Variants in DNAJC16 observed in about 807,000 individuals in gnomAD.
DNAJC16 encodes the protein DnaJ heat shock protein family (Hsp40) member C16, also known as dnaJ homolog subfamily C member 16.
A neutral mutation model predicts 92.7 loss-of-function variants in DNAJC16; 76 were observed. The observed-to-expected ratio is 0.82, with a 90% confidence interval of 0.68 to 0.99. The LOEUF (loss-of-function observed/expected upper bound fraction) is 0.99, where lower values mean the gene tolerates loss of function less well. DNAJC16 is among the 50% of genes least tolerant of loss of function. DNAJC16 has a pLI of 0.00. For synonymous variants in DNAJC16, 328 were observed against 358.7 expected (o/e 0.91, Z 0.97); for missense variants, 869 against 942.4 (o/e 0.92, Z 1.02).
intron 3 of DNAJC16, 104 bp downstream of exon 3, chr1:15,534,407 C>G: frequency 8.6e-7 from 1 of 1,161,692 alleles, no homozygotes; most frequent in Non-Finnish European, 1.2e-6. Flanking sequence ...TCCCCATGCC[C>G]TTGATGCAGT....
At chr1:15,551,680 C>T (rs1296657147) in intron 7 of DNAJC16, among the ~76,000 whole-genome samples, 1 of 151,458 alleles carries the variant, frequency 6.6e-6, no homozygotes, top group Non-Finnish European at 1.5e-5. Flanking sequence ...GTGGCACAGA[C>T]TCGGCTCACT....
chr1:15,536,235 G>A (rs1489302412), intron 3 of DNAJC16, among the ~76,000 whole-genome samples: 9 of 151,632 alleles, frequency 5.9e-5, no homozygotes, highest in South Asian at 2.1e-4. Flanking sequence ...CACCACTCCC[G>A]GCTGATTTGA....
At position 15,565,739 on chromosome 1, in the gene DNAJC16, C is replaced by G. The variant is rs571383749; in HGVS notation, c.1599-180C>G. 72 of 640,140 alleles carry G rather than the reference C, an allele frequency of 1.1e-4. No individual in the cohort carries two copies. In the African/African-American group the frequency reaches 1.2e-3, roughly 11 times the overall value. 39.7% of individuals were successfully genotyped at this position (640,140 alleles called of 1,614,324 possible). On this transcript the variant is annotated intron_variant, in intron 11 of 14. Coordinates refer to ENST00000375847, the MANE Select transcript of DNAJC16 (RefSeq NM_015291.4). ...AATAAGCTGTCTGTGAATTAGAACACTGAGCAATCTCTACCTTCCCCTCCA... is the reference window on the plus strand; with the variant it reads ...AATAAGCTGTCTGTGAATTAGAACAGTGAGCAATCTCTACCTTCCCCTCCA...
At position 15,562,294 on chromosome 1, in the gene DNAJC16, C is replaced by A. The variant is rs1301065112; in HGVS notation, c.1307C>A (p.Pro436Gln). 8 of 1,613,732 alleles carry A rather than the reference C, an allele frequency of 5.0e-6. No individual in the cohort carries two copies. Among genetic ancestry groups the A allele is most frequent in the East Asian group, 2.2e-5 (1 of 44,872 alleles). The part of the protein sequence containing the change: ...RQQEFADTLL[P>Q]DSEAFQGKSA... Reference sequence around the variant, plus strand: ...CAGGAGTTTGCCGACACCTTACTACCAGACAGTGAGGCGTTTCAAGGGAAA... The same window carrying A: ...CAGGAGTTTGCCGACACCTTACTACAAGACAGTGAGGCGTTTCAAGGGAAA... Residue 436 changes from proline to glutamine, a missense_variant, in exon 9 of 15, where the codon CCA becomes CAA. Physicochemically the swap from Pro to Gln is moderately conservative, Grantham distance 76. Coordinates refer to ENST00000375847, the MANE Select transcript of DNAJC16 (RefSeq NM_015291.4).
rs1337381419 is a variant in DNAJC16, at chr1:15,567,188, T to C, written c.1868T>C (p.Met623Thr). The change falls in exon 14 of 15, where the codon ATG (methionine) becomes ACG (threonine). Residue 623 changes from methionine (M) to threonine (T), a missense_variant. Coordinates refer to ENST00000375847, the MANE Select transcript of DNAJC16 (RefSeq NM_015291.4). ...SNLVRLRPGH[M>T]NVVLILSNST... ...TTGGTACGTCTGAGGCCAGGCCACA[T>C]GAATGTGGTCCTCATCCTGTCGAAT... 6.2e-7 allele frequency: 1 copy of C among 1,614,182 alleles called. No individual in the cohort carries two copies. The highest frequency in any genetic ancestry group is 8.5e-7 in the Non-Finnish European group (1 of 1,179,994).
chr1:15,529,195 A>G lies in DNAJC16; in HGVS notation c.90A>G (p.Pro30=), dbSNP rs576675045. 2.3e-5 allele frequency: 37 copies of G among 1,614,116 alleles called. 2 individuals carry two copies. In the South Asian group the frequency reaches 4.1e-4, roughly 18 times the overall value. ...LQILSALDFD[P]YRVLGVSRTA... is the part of the protein sequence containing the mutation. ...TTCTGTCTGCGTTGGATTTTGACCC[A>G]TACAGAGTCCTAGGGGTCAGCCGAA... The change falls in exon 2 of 15, where the codon CCA becomes CCG. Residue 30 remains proline (P), a synonymous_variant. Coordinates refer to ENST00000375847, the MANE Select transcript of DNAJC16 (RefSeq NM_015291.4).
At chr1:15,547,142 GTTTC>G (rs1638328319) in intron 6 of DNAJC16, among the ~76,000 whole-genome samples, 1 of 146,864 alleles carries the variant, frequency 6.8e-6, no homozygotes, top group African/African-American at 2.5e-5. Context: ...TACTATCCCT[GTTTC>G]TTTTTTTTTT....
In DNAJC16 at chr1:15,536,696, AGTG is replaced by A. The variant is rs1288329030; in HGVS notation, c.459_461del (p.Val154del). ...TGCACTTTTCACATTATGTGAATGAAGTGGTTCCAGATAGCTTCAAGAAACCCT... is the reference window on the plus strand; with the variant it reads ...TGCACTTTTCACATTATGTGAATGAAGTTCCAGATAGCTTCAAGAAACCCT... On this transcript the variant is annotated inframe_deletion, in exon 4 of 15. Coordinates refer to ENST00000375847, the MANE Select transcript of DNAJC16 (RefSeq NM_015291.4). 10 of 1,614,072 alleles carry A rather than the reference AGTG, an allele frequency of 6.2e-6. No individual in the cohort carries two copies. The highest frequency in any genetic ancestry group is 1.3e-5 in the African/African-American group (1 of 74,930).
intron 7 of DNAJC16, among the ~76,000 whole-genome samples, chr1:15,559,140 A>G (rs1242693604): frequency 2.0e-5 from 3 of 152,072 alleles, no homozygotes; most frequent in Admixed American, 1.3e-4. Flanking sequence ...GGGTTTCACT[A>G]TGTTGGCCAG....
intron 7 of DNAJC16, among the ~76,000 whole-genome samples, chr1:15,554,228 A>C (rs553571904): frequency 1.1e-4 from 16 of 152,172 alleles, no homozygotes; most frequent in Middle Eastern, 3.4e-3. Context: ...AGAAAATTGC[A>C]TGATAGGAAT....
In DNAJC16 at chr1:15,544,598, A is replaced by G. The variant is rs544304775; in HGVS notation, c.759+15A>G. On this transcript the variant is annotated intron_variant, in intron 5 of 14. Transcript: ENST00000375847. ...TGGTGGAGAAAGTAAGTATCTGTCAAGGAAACTATGGCTGAGAAGTAGTTT... is the reference window on the plus strand; with the variant it reads ...TGGTGGAGAAAGTAAGTATCTGTCAGGGAAACTATGGCTGAGAAGTAGTTT... 63 of 1,613,284 alleles carry G rather than the reference A, an allele frequency of 3.9e-5. No homozygotes were observed. The South Asian group carries it at 6.4e-4, about 16-fold the overall frequency.
intron 4 of DNAJC16, among the ~76,000 whole-genome samples, chr1:15,538,354 C>A (rs1269132351): frequency 6.6e-6 from 1 of 151,574 alleles, no homozygotes; most frequent in South Asian, 2.1e-4. Flanking sequence ...AAGATCGTGC[C>A]ACTGCACTCC....
intron 6 of DNAJC16, among the ~76,000 whole-genome samples, chr1:15,547,663 C>A (rs11585044): frequency 0.64 from 97,670 of 151,598 alleles, 32,955 homozygotes; most frequent in African/African-American, 0.85. Context: ...GCTGGTCTTG[C>A]ACTCCTGACC....
Position 15,561,593 on chromosome 1 carries a change from G to T in DNAJC16, c.1155-549G>T, listed in dbSNP as rs187478482. Among the ~76,000 whole-genome samples, 145 of 152,286 alleles carry T rather than the reference G, an allele frequency of 9.5e-4. 1 individual carries two copies. Among genetic ancestry groups the T allele is most frequent in the South Asian group, 7.3e-3 (35 of 4,812 alleles). The stretch of plus-strand genomic sequence containing the variant: ...CCAGCTACTTGGGAGGCTGAGGCAG[G>T]AGAATGGTTTGAACTCAGGAGGCGG... On this transcript the variant is annotated intron_variant, in intron 8 of 14. Coordinates refer to ENST00000375847, the MANE Select transcript of DNAJC16 (RefSeq NM_015291.4).
At chr1:15,541,464 G>A (rs983558813) in intron 4 of DNAJC16, among the ~76,000 whole-genome samples, 1 of 152,096 alleles carries the variant, frequency 6.6e-6, no homozygotes, top group Non-Finnish European at 1.5e-5. Context: ...TTACCTCTCT[G>A]AACCTCTCTC....
chr1:15,538,288 C>T (rs1387525755), intron 4 of DNAJC16, among the ~76,000 whole-genome samples: 6 of 151,324 alleles, frequency 4.0e-5, no homozygotes, highest in East Asian at 1.9e-4. Context: ...CCAGCTACTC[C>T]GGAGGCTGAG....
chr1:15,538,215 T>G (rs1037227876), intron 4 of DNAJC16, among the ~76,000 whole-genome samples: 36 of 151,590 alleles, frequency 2.4e-4, no homozygotes, highest in African/African-American at 8.5e-4. Flanking sequence ...GCCAACATGG[T>G]GAAACCCCAT....
At position 15,567,050 on chromosome 1, in the gene DNAJC16, C is replaced by T. The variant is rs544995821; in HGVS notation, c.1779-49C>T. On this transcript the variant is annotated intron_variant, in intron 13 of 14. Transcript: ENST00000375847. ...CAGCTGTTTCTTTTCAAAGTAACGG[C>T]TTTCCCCCTATCCTGACAGCATCTT... 2.1e-5 allele frequency: 32 copies of T among 1,554,498 alleles called. No individual in the cohort carries two copies. In the South Asian group the frequency reaches 3.4e-4, roughly 17 times the overall value.
At chr1:15,542,939 G>T (rs1710966759) in intron 4 of DNAJC16, among the ~76,000 whole-genome samples, 1 of 152,182 alleles carries the variant, frequency 6.6e-6, no homozygotes, top group Admixed American at 6.5e-5. Flanking sequence ...CTTACACAAT[G>T]AGTGTCAGGG....
Sources: allele counts gnomAD v4.1 joint callset (sites outside exome capture counted in the v4.1 genomes callset), GRCh38; gene constraint gnomAD v4.1.1; transcripts MANE v1.5; gene names NCBI Gene and HGNC (gene_info 2026-07-23, HGNC 2026-07-21).